Variants in IGSF3 observed in about 807,000 individuals in gnomAD.
IGSF3 encodes the protein immunoglobulin superfamily member 3, also known as glu-Trp-Ile EWI motif-containing protein 3.
Under a neutral mutation model 114.4 loss-of-function variants are expected in IGSF3, and 23 were observed. That is an observed-to-expected ratio of 0.20 (90% CI 0.14 to 0.28). The LOEUF (loss-of-function observed/expected upper bound fraction) is 0.28. Ranked by LOEUF, IGSF3 falls within the 10% of genes least tolerant of loss-of-function variation. IGSF3 has a pLI of 1.00. For synonymous variants in IGSF3, 571 were observed against 645.2 expected (o/e 0.88, Z 1.74); for missense variants, 1,172 against 1,591.5 (o/e 0.74, Z 4.48).
Position 116,616,313 on chromosome 1 carries a change from G to A in IGSF3, c.188C>T (p.Ser63Leu), listed in dbSNP as rs146530809. ...GATCTGCACCTCTCGCTCTGGCGACGAAGGCAGGTAAATGGACCACTGGAA... is the reference window on the plus strand; with the variant it reads ...GATCTGCACCTCTCGCTCTGGCGACAAAGGCAGGTAAATGGACCACTGGAA... The part of the protein sequence containing the change: ...QNFQWSIYLP[S>L]SPEREVQIVS... Residue 63 changes from serine (S) to leucine (L), a missense_variant, in exon 3 of 11, where the codon TCG (serine) becomes TTG (leucine). Ser to Leu is a moderately radical substitution (Grantham distance 145, BLOSUM62 -2). Coordinates refer to ENST00000369486, the MANE Select transcript of IGSF3 (RefSeq NM_001007237.3). This position sits in a 1 kb window ranked among gnomAD's most constrained non-coding sequence, Gnocchi z 6.6. 3.1e-6 allele frequency: 5 copies of A among 1,612,166 alleles called. No individual in the cohort carries two copies. Among genetic ancestry groups the A allele is most frequent in the Admixed American group, 1.7e-5 (1 of 60,030 alleles).
At position 116,633,924 on chromosome 1, in the gene IGSF3, A is replaced by T. The variant is rs889064031; in HGVS notation, c.44-17467T>A. Among the ~76,000 whole-genome samples, 8 of 152,342 alleles carry T rather than the reference A, an allele frequency of 5.3e-5. No homozygotes were observed. Among genetic ancestry groups the T allele is most frequent in the African/African-American group, 1.9e-4 (8 of 41,588 alleles). On this transcript the variant is annotated intron_variant, in intron 2 of 10. Transcript: ENST00000369486. The surrounding 1 kb of genome is among the most constrained non-coding windows in gnomAD (Gnocchi z 4.3). ...TCTGCCCTCTCACAAAGGTGAGTAG[A>T]TGGGTCTGGAGAGGGCTGTTCATGC...
chr1:116,656,594 G>C (rs957253249), intron 2 of IGSF3, among the ~76,000 whole-genome samples: 28 of 151,652 alleles, frequency 1.8e-4, no homozygotes, highest in Non-Finnish European at 3.2e-4. Context: ...TCTTGTAACA[G>C]AATTATAGTC....
rs999213053 is a variant in IGSF3, at chr1:116,582,365, A to G, written c.2848+2280T>C. Among the ~76,000 whole-genome samples, 4 of 152,270 alleles carry G rather than the reference A, an allele frequency of 2.6e-5. No individual in the cohort carries two copies. Among genetic ancestry groups the G allele is most frequent in the East Asian group, 1.9e-4 (1 of 5,186 alleles). On this transcript the variant is annotated intron_variant, in intron 9 of 10. Coordinates refer to ENST00000369486, the MANE Select transcript of IGSF3 (RefSeq NM_001007237.3). The surrounding 1 kb of genome is among the most constrained non-coding windows in gnomAD (Gnocchi z 4.7). ...CCCCTGGATCTCACTGTGACCGCCA[A>G]TTCCTGGCCTGTGTGTGATGATTGT...
rs1412043232 is a variant in IGSF3, at chr1:116,595,887, G to A, written c.2029+4054C>T. Among the ~76,000 whole-genome samples, 4 of 152,230 alleles carry A rather than the reference G, an allele frequency of 2.6e-5. No individual in the cohort carries two copies. The highest frequency in any genetic ancestry group is 9.6e-5 in the African/African-American group (4 of 41,458). ...TGATTAAGAGCTAATAATCAAACAT[G>A]TGAACTGGCTGAAAGTCTTGCCTAA... On this transcript the variant is annotated intron_variant, in intron 7 of 10. Transcript: ENST00000369486. The surrounding 1 kb of genome is among the most constrained non-coding windows in gnomAD (Gnocchi z 4.2).
chr1:116,640,037 C>CGAAAAAAAA (rs1261130855), intron 2 of IGSF3, among the ~76,000 whole-genome samples: 1 of 65,288 alleles, frequency 1.5e-5, no homozygotes, highest in African/African-American at 5.6e-5. Context: ...GACTCTATCT[C>CGAAAAAAAA]AAAAAAAAAA....
In IGSF3 at chr1:116,600,467, T is replaced by G. The variant is rs1381722467; in HGVS notation, c.1625-122A>C. On this transcript the variant is annotated intron_variant, in intron 6 of 10. Transcript: ENST00000369486. This position sits in a 1 kb window ranked among gnomAD's most constrained non-coding sequence, Gnocchi z 5.5. ...TGGGACAGAGGCTCTCGGAGCCCCT[T>G]TTGAGCTCTCAGGCTAGTGTTGCTT... 3 of 754,038 alleles carry G rather than the reference T, an allele frequency of 4.0e-6. No homozygotes were observed. The East Asian group carries it at 7.7e-5, about 19-fold the overall frequency. 46.7% of individuals were successfully genotyped at this position (754,038 alleles called of 1,614,324 possible). A position where few individuals can be genotyped will look rare whatever the true frequency, so the allele number is the denominator to read the frequency against.
In IGSF3 at chr1:116,583,674, CT is replaced by C. The variant is rs567995693; in HGVS notation, c.2848+970del. On this transcript the variant is annotated intron_variant, in intron 9 of 10. Transcript: ENST00000369486. The surrounding 1 kb of genome is among the most constrained non-coding windows in gnomAD (Gnocchi z 4.5). The stretch of plus-strand genomic sequence containing the variant: ...TGATGGGGTCACGAATTCACTTCTC[CT>C]CCAGGTCCTTACAGGAACCATCGAC... 3.4e-4 allele frequency among the ~76,000 whole-genome samples: 52 copies of C among 152,338 alleles called. No individual in the cohort carries two copies. In the South Asian group the frequency reaches 7.3e-3, roughly 21 times the overall value.
chr1:116,586,350 T>C (rs1402973753), intron 8 of IGSF3, among the ~76,000 whole-genome samples: 3 of 152,346 alleles, frequency 2.0e-5, no homozygotes, highest in African/African-American at 7.2e-5. Context: ...GTTGAAAGGT[T>C]ATTTTCTTTG....
rs148077146 is a variant in IGSF3, at chr1:116,594,184, G to A, written c.2030-5080C>T. Among the ~76,000 whole-genome samples the A allele has an allele frequency of 7.8e-3, 1,192 of 152,308 alleles. 9 individuals carry two copies. Among genetic ancestry groups the A allele is most frequent in the Non-Finnish European group, 0.013 (902 of 68,030 alleles). On this transcript the variant is annotated intron_variant, in intron 7 of 10. Coordinates refer to ENST00000369486, the MANE Select transcript of IGSF3 (RefSeq NM_001007237.3). This position sits in a 1 kb window ranked among gnomAD's most constrained non-coding sequence, Gnocchi z 5.2. ...AGTCTGATACAGTGACTGTCAGTGT[G>A]CATTTAGAGACAGCGTTGACTGTGA...
Position 116,625,480 on chromosome 1 carries a change from G to A in IGSF3, c.44-9023C>T, listed in dbSNP as rs867478424. 2.2e-4 allele frequency among the ~76,000 whole-genome samples: 34 copies of A among 152,354 alleles called. No homozygotes were observed. Among genetic ancestry groups the A allele is most frequent in the African/African-American group, 7.5e-4 (31 of 41,578 alleles). ...ACTGGAGGGCACATCAGTGCCAGGC[G>A]GAAAAGGGCACCGAAAGGCACATTA... On this transcript the variant is annotated intron_variant, in intron 2 of 10. Coordinates refer to ENST00000369486, the MANE Select transcript of IGSF3 (RefSeq NM_001007237.3). The surrounding 1 kb of genome is among the most constrained non-coding windows in gnomAD (Gnocchi z 4.7).
intron 2 of IGSF3, among the ~76,000 whole-genome samples, chr1:116,643,291 G>A (rs1443273010): frequency 2.6e-5 from 4 of 152,128 alleles, no homozygotes; most frequent in Non-Finnish European, 4.4e-5. Flanking sequence ...CCCCTCCCAC[G>A]CCACCTCTCT....
Position 116,666,647 on chromosome 1 carries a change from C to A in IGSF3, c.-321G>T. ...CTGTAGTGGATTAATCCTCCAGAAGCACGGAAAAAAGGGTCTGAGAAAATC... is the reference window on the plus strand; with the variant it reads ...CTGTAGTGGATTAATCCTCCAGAAGAACGGAAAAAAGGGTCTGAGAAAATC... On this transcript the variant is annotated 5_prime_UTR_variant, in exon 2 of 11. Coordinates refer to ENST00000369486, the MANE Select transcript of IGSF3 (RefSeq NM_001007237.3). The A allele has an allele frequency of 1.4e-5, 8 of 561,266 alleles. No individual in the cohort carries two copies. Among genetic ancestry groups the A allele is most frequent in the African/African-American group, 7.5e-5 (4 of 53,046 alleles). 34.8% of individuals were successfully genotyped at this position (561,266 alleles called of 1,614,324 possible).
Position 116,575,864 on chromosome 1 carries a change from C to T in IGSF3, c.*1448G>A, listed in dbSNP as rs929239099. The T allele has an allele frequency of 6.6e-5, 10 of 152,156 alleles. No individual in the cohort carries two copies. Among genetic ancestry groups the T allele is most frequent in the African/African-American group, 2.4e-4 (10 of 41,402 alleles). 9.4% of individuals were successfully genotyped at this position (152,156 alleles called of 1,614,324 possible). On this transcript the variant is annotated 3_prime_UTR_variant, in exon 11 of 11. Coordinates refer to ENST00000369486, the MANE Select transcript of IGSF3 (RefSeq NM_001007237.3). The surrounding 1 kb of genome is among the most constrained non-coding windows in gnomAD (Gnocchi z 5.6). Reference sequence around the variant, plus strand: ...CTCAAGGGGCGTTAAAATAAAAAGCCACCATAACAATGAACAACCAAACAA... The same window carrying T: ...CTCAAGGGGCGTTAAAATAAAAAGCTACCATAACAATGAACAACCAAACAA...
chr1:116,618,346 T>C lies in IGSF3; in HGVS notation c.44-1889A>G, dbSNP rs1661293496. Among the ~76,000 whole-genome samples, 1 of 152,264 alleles carries C rather than the reference T, an allele frequency of 6.6e-6. No individual in the cohort carries two copies. Among genetic ancestry groups the C allele is most frequent in the African/African-American group, 2.4e-5 (1 of 41,470 alleles). On this transcript the variant is annotated intron_variant, in intron 2 of 10. Coordinates refer to ENST00000369486, the MANE Select transcript of IGSF3 (RefSeq NM_001007237.3). The surrounding 1 kb of genome is among the most constrained non-coding windows in gnomAD (Gnocchi z 4.7). ...AACCATGAGGACAACTCATTAGTAATATCAGTATGTTAAAATATGATGCAT... is the reference window on the plus strand; with the variant it reads ...AACCATGAGGACAACTCATTAGTAACATCAGTATGTTAAAATATGATGCAT...
rs1260883706 is a variant in IGSF3 at position 116,593,008 on chromosome 1, A to G, written c.2030-3904T>C. ...AGGGGACAAGAGGAAAAAGATGACA[A>G]CTACCCTGTGCACTCTATTCAAGGA... On this transcript the variant is annotated intron_variant, in intron 7 of 10. Coordinates refer to ENST00000369486, the MANE Select transcript of IGSF3 (RefSeq NM_001007237.3). The surrounding 1 kb of genome is among the most constrained non-coding windows in gnomAD (Gnocchi z 4.5). 6.6e-6 allele frequency among the ~76,000 whole-genome samples: 1 copy of G among 152,206 alleles called. No individual in the cohort carries two copies. Among genetic ancestry groups the G allele is most frequent in the Non-Finnish European group, 1.5e-5 (1 of 68,034 alleles).
At chr1:116,653,198 C>T (rs1648704044) in intron 2 of IGSF3, among the ~76,000 whole-genome samples, 1 of 152,152 alleles carries the variant, frequency 6.6e-6, no homozygotes, top group Non-Finnish European at 1.5e-5. Context: ...TCAGTCATCC[C>T]CGTTACAGAT....
chr1:116,579,503 T>C lies in IGSF3; in HGVS notation c.3223A>G (p.Thr1075Ala). The C allele has an allele frequency of 1.2e-6, 2 of 1,614,106 alleles. No homozygotes were observed. Among genetic ancestry groups the C allele is most frequent in the South Asian group, 2.2e-5 (2 of 91,074 alleles). The change falls in exon 10 of 11, where the codon ACA (threonine) becomes GCA (alanine). Residue 1075 changes from threonine to alanine, a missense_variant. By Grantham distance (58) the Thr-to-Ala change is moderately conservative (BLOSUM62 0). Transcript: ENST00000369486. The surrounding 1 kb of genome is among the most constrained non-coding windows in gnomAD (Gnocchi z 6.4). ...LTVLQASPQD[T>A]GNYSCHVEEW... ...TCCACATGGCAGGAGTAATTGCCTGTATCTTGGGGGCTTGCCTGCAGCACT... is the reference window on the plus strand; with the variant it reads ...TCCACATGGCAGGAGTAATTGCCTGCATCTTGGGGGCTTGCCTGCAGCACT...
intron 4 of IGSF3, among the ~76,000 whole-genome samples, chr1:116,609,277 C>T (rs1660920340): frequency 6.6e-6 from 1 of 151,996 alleles, no homozygotes; most frequent in African/African-American, 2.4e-5. Context: ...GACAGGGTCT[C>T]GTTCTGTTGC....
chr1:116,646,085 C>G (rs762174386), intron 2 of IGSF3, among the ~76,000 whole-genome samples: 5 of 152,214 alleles, frequency 3.3e-5, no homozygotes, highest in African/African-American at 4.8e-5. Context: ...AATGAGGGGT[C>G]ATAGAAGTGC....
Sources: gnomAD v4.1 joint callset for allele counts (sites outside exome capture counted in the v4.1 genomes callset) on GRCh38, gnomAD v4.1.1 for gene constraint, Gnocchi (gnomAD v3.1) non-coding constraint, MANE v1.5 for transcripts, NCBI Gene and HGNC (gene_info 2026-07-23, HGNC 2026-07-21) for gene names.